The following ELMO1 variants were observed in gnomAD, a reference collection of about 807,000 sequenced individuals.
The protein encoded by ELMO1 is engulfment and cell motility 1.
Under a neutral mutation model 98.9 loss-of-function variants are expected in ELMO1, and 26 were observed. The observed-to-expected ratio is 0.26, with a 90% CI of 0.19 to 0.36. The LOEUF (loss-of-function observed/expected upper bound fraction) is 0.36, where lower values mean the gene tolerates loss of function less well. Among genes scored for constraint, ELMO1 ranks in the 10% least tolerant of loss-of-function variants. The pLI, the probability that ELMO1 is intolerant of heterozygous loss-of-function variation, is 1.00. For missense variants in ELMO1, 627 were observed against 935.2 expected, an observed-to-expected ratio of 0.67 and a Z score of 4.30; for synonymous variants, 346 against 346.0, an observed-to-expected ratio of 1.00 and a Z score of 0.00.
At chr7:37,014,488 T>C (rs368658809) in intron 15 of ELMO1, among the ~76,000 whole-genome samples, 11 of 152,300 alleles carry the variant, frequency 7.2e-5, no homozygotes, top group South Asian at 2.1e-4. Flanking sequence ...GTTTGTTACA[T>C]AGGTATATAT....
chr7:36,861,650 G>C lies in ELMO1; in HGVS notation c.1983+9C>G, dbSNP rs760911367. The C allele has an allele frequency of 6.2e-7, 1 of 1,612,174 alleles. No individual in the cohort carries two copies. Among genetic ancestry groups the C allele is most frequent in the East Asian group, 2.2e-5 (1 of 44,830 alleles). ...TTATCTCATAAATTATCACCCCCGAGACCCTTACCTCATGCTTGTCAGGAG... is the reference window on the plus strand; with the variant it reads ...TTATCTCATAAATTATCACCCCCGACACCCTTACCTCATGCTTGTCAGGAG... On this transcript the variant is annotated intron_variant, in intron 21 of 21. Coordinates refer to ENST00000310758, the MANE Select transcript of ELMO1 (RefSeq NM_014800.11).
chr7:36,967,985 T>C (rs59784409), intron 16 of ELMO1, among the ~76,000 whole-genome samples: 4,673 of 152,288 alleles, frequency 0.031, 210 homozygotes, highest in African/African-American at 0.094. Context: ...AAGTTTATTA[T>C]CTAATTATAG....
chr7:36,916,693 C>T (rs939392660), intron 16 of ELMO1, among the ~76,000 whole-genome samples: 2 of 152,240 alleles, frequency 1.3e-5, no homozygotes, highest in Non-Finnish European at 2.9e-5. Flanking sequence ...TGTGCCCAGC[C>T]TTCCCTCTGG....
chr7:37,419,961 C>T (rs917382218), intron 1 of ELMO1, among the ~76,000 whole-genome samples: 2 of 152,188 alleles, frequency 1.3e-5, no homozygotes, highest in African/African-American at 4.8e-5. Context: ...ACAAAACATC[C>T]TATCATCATT....
At position 36,868,239 on chromosome 7, in the gene ELMO1, G is replaced by GACTTTCC. The variant is rs1803188451; in HGVS notation, c.1905+2147_1905+2153dup. Among the ~76,000 whole-genome samples, 4 of 152,214 alleles carry GACTTTCC rather than the reference G, an allele frequency of 2.6e-5. No individual in the cohort carries two copies. In the South Asian group the frequency reaches 8.3e-4, roughly 32 times the overall value. On this transcript the variant is annotated intron_variant, in intron 20 of 21. Transcript: ENST00000310758. ...GATTATTATGTCTTCTTGGACATCT[G>GACTTTCC]ACTTTCCACATTCCACGGTGATGGT...
At chr7:37,229,724 T>G (rs1328768963) in intron 8 of ELMO1, among the ~76,000 whole-genome samples, 1 of 152,224 alleles carries the variant, frequency 6.6e-6, no homozygotes, top group Non-Finnish European at 1.5e-5. Flanking sequence ...GAAAAGTAAG[T>G]AATTTTCTGA....
chr7:36,972,835 C>A (rs1790091216), intron 16 of ELMO1, among the ~76,000 whole-genome samples: 1 of 152,166 alleles, frequency 6.6e-6, no homozygotes, highest in Admixed American at 6.5e-5. Flanking sequence ...GGATGGAGTA[C>A]AATGGCGCGA....
intron 1 of ELMO1, among the ~76,000 whole-genome samples, chr7:37,428,579 A>G (rs1245711962): frequency 6.6e-6 from 1 of 152,226 alleles, no homozygotes; most frequent in African/African-American, 2.4e-5. Context: ...TGTAGCCTAA[A>G]GATCAAAACA....
At chr7:37,027,067 C>CCCTCT in intron 15 of ELMO1, among the ~76,000 whole-genome samples, 1 of 152,268 alleles carries the variant, frequency 6.6e-6, no homozygotes, top group Admixed American at 6.5e-5. Flanking sequence ...CCAGCACAGA[C>CCCTCT]ACACAGCACT....
At chr7:37,033,190 G>T (rs1794974363) in intron 15 of ELMO1, among the ~76,000 whole-genome samples, 1 of 152,148 alleles carries the variant, frequency 6.6e-6, no homozygotes, top group Non-Finnish European at 1.5e-5. Flanking sequence ...ACACTTCTGT[G>T]TGCAGTTCTG....
intron 15 of ELMO1, among the ~76,000 whole-genome samples, chr7:37,054,451 C>T (rs190477032): frequency 7.2e-5 from 11 of 152,148 alleles, no homozygotes; most frequent in Admixed American, 3.3e-4. Context: ...AGCATAAGAA[C>T]GGCACTGCAA....
chr7:37,367,375 A>C (rs1801946688), intron 1 of ELMO1, among the ~76,000 whole-genome samples: 1 of 152,136 alleles, frequency 6.6e-6, no homozygotes, highest in Non-Finnish European at 1.5e-5. Flanking sequence ...TCCACTCTGG[A>C]GTGTAAACTC....
At chr7:37,202,819 G>T (rs1205408000) in intron 13 of ELMO1, among the ~76,000 whole-genome samples, 2 of 152,132 alleles carry the variant, frequency 1.3e-5, no homozygotes, top group African/African-American at 2.4e-5. Context: ...CTTTTTCAGG[G>T]TTTGTGGGTC....
At chr7:36,900,330 A>C (rs1197396593) in intron 16 of ELMO1, among the ~76,000 whole-genome samples, 1 of 152,204 alleles carries the variant, frequency 6.6e-6, no homozygotes, top group African/African-American at 2.4e-5. Context: ...GGAGGGCAGG[A>C]ACTATTTCTT....
chr7:37,087,243 T>C (rs559181837), intron 15 of ELMO1, among the ~76,000 whole-genome samples: 12 of 152,336 alleles, frequency 7.9e-5, no homozygotes, highest in Admixed American at 5.9e-4. Flanking sequence ...TCTTATTACC[T>C]ACAGTTTAAA....
chr7:37,159,500 A>G (rs1789045149), intron 13 of ELMO1, among the ~76,000 whole-genome samples: 1 of 152,150 alleles, frequency 6.6e-6, no homozygotes, highest in Admixed American at 6.5e-5. Flanking sequence ...CAGGAGTTCA[A>G]GACCAGCCTG....
intron 16 of ELMO1, among the ~76,000 whole-genome samples, chr7:36,941,274 T>C (rs1190456542): frequency 6.6e-6 from 1 of 152,210 alleles, no homozygotes; most frequent in Non-Finnish European, 1.5e-5. Flanking sequence ...TAGTGTTTGG[T>C]ATTTGCATTA....
chr7:36,919,011 C>T (rs1562823438), intron 16 of ELMO1, among the ~76,000 whole-genome samples: 3 of 152,008 alleles, frequency 2.0e-5, no homozygotes, highest in Non-Finnish European at 4.4e-5. Flanking sequence ...GTCAGTCAGT[C>T]AGTTGGCACT....
intron 15 of ELMO1, among the ~76,000 whole-genome samples, chr7:37,029,442 T>C (rs1408917627): frequency 6.6e-6 from 1 of 151,256 alleles, no homozygotes; most frequent in African/African-American, 2.4e-5. Context: ...ATGAAGATTA[T>C]GTAAGTACTG....
Sources: allele counts gnomAD v4.1 joint callset (sites outside exome capture counted in the v4.1 genomes callset), GRCh38; gene constraint gnomAD v4.1.1; transcripts MANE v1.5; gene names NCBI Gene and HGNC (gene_info 2026-07-23, HGNC 2026-07-21).